Variants in BNIP5 observed in about 807,000 individuals in gnomAD.
The protein encoded by BNIP5 is protein BNIP5.
A neutral mutation model predicts 67.3 loss-of-function variants in BNIP5; 61 were observed. That is an observed-to-expected ratio of 0.91 (90% confidence interval 0.74 to 1.12). The LOEUF is 1.12. Among genes scored for constraint, BNIP5 ranks in the 50% most tolerant of loss-of-function variants. The pLI is 0.00. For synonymous variants in BNIP5, 317 were observed against 319.0 expected (o/e 0.99, Z 0.07); for missense variants, 826 against 816.3 (o/e 1.01, Z -0.14).
At chr6:36,334,800 C>T (rs746647580) in intron 1 of BNIP5, among the ~76,000 whole-genome samples, 2 of 152,112 alleles carry the variant, frequency 1.3e-5, no homozygotes, top group Non-Finnish European at 2.9e-5. Flanking sequence ...CAAGACTTTC[C>T]TTTCCTTTCT....
chr6:36,330,819 A>G lies in BNIP5; in HGVS notation c.-4-125T>C, dbSNP rs560356742. 2.3e-5 allele frequency: 30 copies of G among 1,287,306 alleles called. No individual in the cohort carries two copies. In the African/African-American group the frequency reaches 3.4e-4, roughly 15 times the overall value. 79.7% of individuals were successfully genotyped at this position (1,287,306 alleles called of 1,614,324 possible). A position where few individuals can be genotyped will look rare whatever the true frequency, so the allele number is the denominator to read the frequency against. On this transcript the variant is annotated intron_variant, in intron 1 of 11. Coordinates refer to ENST00000437635, the MANE Select transcript of BNIP5 (RefSeq NM_001010903.5). The stretch of plus-strand genomic sequence containing the variant: ...CGGTCTATTGCCCAGGCTGGAGTGC[A>G]GTGGCGCTATCTCAGCTCACTGCAA...
chr6:36,330,795 G>T (rs1055172945), intron 1 of BNIP5, 101 bp from the exon 2 acceptor site: 2 of 1,425,932 alleles, frequency 1.4e-6, no homozygotes, highest in East Asian at 2.5e-5. Flanking sequence ...ACGGAGCCTC[G>T]GTCTATTGCC....
intron 6 of BNIP5, 128 bp downstream of exon 6, chr6:36,325,155 G>C: frequency 9.6e-7 from 1 of 1,036,342 alleles, no homozygotes; most frequent in Non-Finnish European, 1.4e-6. Context: ...TGCCTCCCCA[G>C]CCTGCTGTAC....
At chr6:36,320,568 A>G (rs2127362970) in intron 10 of BNIP5, among the ~76,000 whole-genome samples, 1 of 152,372 alleles carries the variant, frequency 6.6e-6, no homozygotes, top group East Asian at 1.9e-4. Context: ...AGAGGCACCC[A>G]GAGCGTCCGC....
chr6:36,326,473 C>G, intron 5 of BNIP5, 37 bp downstream of exon 5: 1 of 1,611,960 alleles, frequency 6.2e-7, no homozygotes, highest in Non-Finnish European at 8.5e-7. Context: ...CTGGAGGCAG[C>G]TGCAGGGTTG....
chr6:36,319,511 A>G lies in BNIP5; in HGVS notation c.1768T>C (p.Ser590Pro), dbSNP rs201060155. The change falls in exon 11 of 12, where the codon TCT becomes CCT. Residue 590 changes from serine (S) to proline (P), a missense_variant. Ser to Pro is a moderately conservative substitution (Grantham distance 74). Coordinates refer to ENST00000437635, the MANE Select transcript of BNIP5 (RefSeq NM_001010903.5). The part of the protein sequence containing the change: ...ATLRSQVAHS[S>P]KLDRNRARRL... The stretch of plus-strand genomic sequence containing the variant: ...CTGGCGCGGTTCCTGTCCAGCTTAG[A>G]GGAGTGAGCCACCTGGCTGCGCAGG... 3.7e-6 allele frequency: 6 copies of G among 1,614,026 alleles called. No individual in the cohort carries two copies. Among genetic ancestry groups the G allele is most frequent in the Non-Finnish European group, 1.7e-6 (2 of 1,180,020 alleles).
At chr6:36,320,225 A>AT (rs1291487357) in intron 10 of BNIP5, among the ~76,000 whole-genome samples, 1 of 152,222 alleles carries the variant, frequency 6.6e-6, no homozygotes, top group Non-Finnish European at 1.5e-5. Context: ...CAGGCATTTT[A>AT]TTCATTAAAT....
rs1032139288 is a variant in BNIP5, at chr6:36,330,518, T to C, written c.173A>G (p.His58Arg). ...LHWTTSDWAR[H>R]SDSPAPSAEA... ...TGCAGATGGAGCTGGGCTGTCTGAATGTCTGGCCCAATCACTGGTCGTCCA... is the reference window on the plus strand; with the variant it reads ...TGCAGATGGAGCTGGGCTGTCTGAACGTCTGGCCCAATCACTGGTCGTCCA... Residue 58 changes from histidine to arginine, a missense_variant, in exon 2 of 12, where the codon CAT becomes CGT. His to Arg is a conservative substitution (Grantham distance 29, BLOSUM62 0). Coordinates refer to ENST00000437635, the MANE Select transcript of BNIP5 (RefSeq NM_001010903.5). The C allele has an allele frequency of 1.3e-5, 21 of 1,613,984 alleles. No individual in the cohort carries two copies. In the Middle Eastern group the frequency reaches 9.9e-4, roughly 76 times the overall value.
In BNIP5 at chr6:36,326,663, T is replaced by C. The variant is rs1210454607; in HGVS notation, c.883A>G (p.Arg295Gly). The change falls in exon 5 of 12, where the codon AGA becomes GGA. Residue 295 changes from arginine (R) to glycine (G), a missense_variant. Transcript: ENST00000437635. ...KSQEKKTSLK[R>G]TSKTNPKKHG... is the part of the protein sequence containing the mutation. ...TTCTTGGGGTTTGTCTTTGAGGTTC[T>C]CTTGAGGCTTGTCTTTTTCTCTTGG... The C allele has an allele frequency of 6.2e-7, 1 of 1,614,258 alleles. No homozygotes were observed. Among genetic ancestry groups the C allele is most frequent in the East Asian group, 2.2e-5 (1 of 44,878 alleles).
chr6:36,333,213 C>T (rs928682034), intron 1 of BNIP5, among the ~76,000 whole-genome samples: 2 of 152,204 alleles, frequency 1.3e-5, no homozygotes, highest in Non-Finnish European at 2.9e-5. Context: ...GTATTGCAGC[C>T]CCAGGTCGCT....
chr6:36,334,591 C>A (rs552420641), intron 1 of BNIP5, among the ~76,000 whole-genome samples: 10 of 152,150 alleles, frequency 6.6e-5, no homozygotes, highest in African/African-American at 1.7e-4. Flanking sequence ...ATTGAGACAG[C>A]GCGGCTGACT....
Position 36,319,556 on chromosome 6 carries a change from G to C in BNIP5, c.1723C>G (p.Leu575Val), listed in dbSNP as rs201478093. ...CGCAGGGTGGCTACCAGCTTGCTGA[G>C]GGAGGAGTCCGAGAACTCGTAAAAA... Reference protein sequence around the residue: ...RFFYEFSDSSLSKLVATLRSQ... With the variant: ...RFFYEFSDSSVSKLVATLRSQ... The change falls in exon 11 of 12, where the codon CTC (leucine) becomes GTC (valine). Residue 575 changes from leucine (L) to valine (V), a missense_variant. By Grantham distance (32) the Leu-to-Val change is conservative. Transcript: ENST00000437635. The C allele has an allele frequency of 2.1e-4, 344 of 1,614,022 alleles. No homozygotes were observed. The highest frequency in any genetic ancestry group is 2.8e-4 in the Non-Finnish European group (332 of 1,180,000).
chr6:36,328,764 G>C, intron 2 of BNIP5, 50 bp from the exon 3 acceptor site: 1 of 1,071,380 alleles, frequency 9.3e-7, no homozygotes, highest in South Asian at 1.2e-5. Context: ...ATGTGCGTGT[G>C]TCAGTGACAT....
rs151027628 is a variant in BNIP5, at chr6:36,323,454, G to A, written c.1310C>T (p.Ser437Leu). 5.4e-5 allele frequency: 87 copies of A among 1,614,098 alleles called. No homozygotes were observed. The highest frequency in any genetic ancestry group is 3.2e-4 in the South Asian group (29 of 91,088). The change falls in exon 8 of 12, where the codon TCG becomes TTG. Residue 437 changes from serine (S) to leucine (L), a missense_variant. Physicochemically the swap from Ser to Leu is moderately radical, Grantham distance 145 (BLOSUM62 -2). Coordinates refer to ENST00000437635, the MANE Select transcript of BNIP5 (RefSeq NM_001010903.5). ...ATGGTAAAACGCTCTCCTGAAGCTCGACCTTTTTTCTTGAGATTTCCTTCT... is the reference window on the plus strand; with the variant it reads ...ATGGTAAAACGCTCTCCTGAAGCTCAACCTTTTTTCTTGAGATTTCCTTCT... ...HCRRKSQEKRSSFRRAFYHKK... is the reference protein window; with the variant it reads ...HCRRKSQEKRLSFRRAFYHKK...
intron 1 of BNIP5, among the ~76,000 whole-genome samples, chr6:36,331,551 A>G (rs1771907469): frequency 6.6e-6 from 1 of 152,152 alleles, no homozygotes; most frequent in South Asian, 2.1e-4. Flanking sequence ...TCTCATCTGA[A>G]GCATGCCTGA....
chr6:36,327,128 C>T, intron 3 of BNIP5, 34 bp from the exon 4 acceptor site: 1 of 1,579,926 alleles, frequency 6.3e-7, no homozygotes, highest in Non-Finnish European at 8.7e-7. Context: ...GTTATTCTTT[C>T]TAAATGCACT....
In BNIP5 at chr6:36,323,538, G is replaced by A; in HGVS notation, c.1231-5C>T. 6.2e-7 allele frequency: 1 copy of A among 1,613,888 alleles called. No homozygotes were observed. ...TTCCTGCTGGACTTGAGGTTGCTGTGGGGGAGATGAGAGAAACTGAGTCAG... is the reference window on the plus strand; with the variant it reads ...TTCCTGCTGGACTTGAGGTTGCTGTAGGGGAGATGAGAGAAACTGAGTCAG... On this transcript the variant is annotated splice_region_variant and splice_polypyrimidine_tract_variant and intron_variant, in intron 7 of 11. Coordinates refer to ENST00000437635, the MANE Select transcript of BNIP5 (RefSeq NM_001010903.5).
Position 36,330,352 on chromosome 6 carries a change from C to T in BNIP5, c.339G>A (p.Glu113=). 8 of 1,614,198 alleles carry T rather than the reference C, an allele frequency of 5.0e-6. No homozygotes were observed. The highest frequency in any genetic ancestry group is 5.9e-6 in the Non-Finnish European group (7 of 1,180,042). ...MLNFFVRTGP[E]EPREKASRRP... The stretch of plus-strand genomic sequence containing the variant: ...TCCTGCTGGCCTTTTCTCTGGGCTC[C>T]TCAGGGCCCGTCCTCACGAAGAAGT... Residue 113 remains glutamate, a synonymous_variant, in exon 2 of 12, where the codon GAG becomes GAA. Coordinates refer to ENST00000437635, the MANE Select transcript of BNIP5 (RefSeq NM_001010903.5).
chr6:36,324,176 T>C lies in BNIP5; in HGVS notation c.1183A>G (p.Lys395Glu), dbSNP rs1561882974. ...GCATCTTGGAGCATGGAAATGATCT[T>C]CTGAATGAATTCTTCTGAAAAAGAT... ...RASEYKEFIQ[K>E]IISMLQDAEE... The change falls in exon 7 of 12, where the codon AAG (lysine) becomes GAG (glutamate). Residue 395 changes from lysine to glutamate, a missense_variant. Coordinates refer to ENST00000437635, the MANE Select transcript of BNIP5 (RefSeq NM_001010903.5). 1 of 1,613,858 alleles carries C rather than the reference T, an allele frequency of 6.2e-7. No individual in the cohort carries two copies. The highest frequency in any genetic ancestry group is 1.7e-5 in the Admixed American group (1 of 60,022).
Sources: allele counts gnomAD v4.1 joint callset (sites outside exome capture counted in the v4.1 genomes callset), GRCh38; gene constraint gnomAD v4.1.1; transcripts MANE v1.5; gene names NCBI Gene and HGNC (gene_info 2026-07-23, HGNC 2026-07-21).